ATAD2: variants seen among roughly 807,000 people sequenced by gnomAD.
ATAD2 encodes ATPase family AAA domain containing 2, also known as ATPase family AAA domain-containing protein 2.
Under a neutral mutation model 168.9 loss-of-function variants are expected in ATAD2, and 62 were observed. The ratio of observed to expected loss-of-function variants is 0.37; its 90% CI spans 0.30 to 0.45. ATAD2 has a LOEUF of 0.45. ATAD2 is among the 20% of genes least tolerant of loss of function. ATAD2 has a pLI of 1.00. For synonymous variants in ATAD2, 613 were observed against 571.6 expected (o/e 1.07, Z -1.03); for missense variants, 1,419 against 1,667.8 (o/e 0.85, Z 2.60).
chr8:123,400,087 C>A (rs1382159227), upstream of ATAD2, among the ~76,000 whole-genome samples: 2 of 152,052 alleles, frequency 1.3e-5, no homozygotes, highest in Admixed American at 1.3e-4. This position sits in a 1 kb window ranked among gnomAD's most constrained non-coding sequence, Gnocchi z 4.5. Flanking sequence ...CTGCTTGAAC[C>A]CGTGAGGCAG....
rs887611528 is a variant in ATAD2, at chr8:123,372,438, C to T, written c.370+199G>A. Among the ~76,000 whole-genome samples the T allele has an allele frequency of 3.3e-5, 5 of 152,056 alleles. No homozygotes were observed. In the South Asian group the frequency reaches 6.2e-4, roughly 19 times the overall value. On this transcript the variant is annotated intron_variant, in intron 3 of 27. Transcript: ENST00000287394. ...AGAAGAGCCAGGAGGAATTATAAAACGGCCCGGGGAAGTTTTTGGGGGTAA... is the reference window on the plus strand; with the variant it reads ...AGAAGAGCCAGGAGGAATTATAAAATGGCCCGGGGAAGTTTTTGGGGGTAA...
At chr8:123,361,242 G>A (rs1030372491) in intron 9 of ATAD2, among the ~76,000 whole-genome samples, 7 of 151,586 alleles carry the variant, frequency 4.6e-5, no homozygotes, top group Admixed American at 2.0e-4. Flanking sequence ...GTGTGAACCC[G>A]GGAGGTGGTG....
chr8:123,337,682 A>T lies in ATAD2; in HGVS notation c.2994T>A (p.His998Gln). The T allele has an allele frequency of 6.2e-7, 1 of 1,613,734 alleles. No individual in the cohort carries two copies. Among genetic ancestry groups the T allele is most frequent in the Non-Finnish European group, 8.5e-7 (1 of 1,179,876 alleles). ...GGAATCGCTTGTCAATAGCAAGCCT[A>T]TGTGTAACATTTCTTAAGAAAATCC... ...ELRIFLRNVT[H>Q]RLAIDKRFRV... Residue 998 changes from histidine to glutamine, a missense_variant, in exon 21 of 28, where the codon CAT becomes CAA. Around this residue, in one of 5 missense-constraint regions of ATAD2, gnomAD observed 545 missense variants for 724.9 expected, o/e 0.75. Transcript: ENST00000287394.
intron 25 of ATAD2, among the ~76,000 whole-genome samples, chr8:123,326,738 C>T (rs1827626442): frequency 6.6e-6 from 1 of 152,140 alleles, no homozygotes; most frequent in Non-Finnish European, 1.5e-5. Flanking sequence ...GTTTTCCCAG[C>T]AGGGTTGAGT....
At chr8:123,334,725 TAGACAA>T (rs1054182890) in intron 22 of ATAD2, among the ~76,000 whole-genome samples, 1 of 151,842 alleles carries the variant, frequency 6.6e-6, no homozygotes, top group Non-Finnish European at 1.5e-5. Context: ...ACAAAGAAAA[TAGACAA>T]AGACAATGAA....
At chr8:123,391,712 G>A (rs957302809) in intron 1 of ATAD2, among the ~76,000 whole-genome samples, 7 of 152,166 alleles carry the variant, frequency 4.6e-5, no homozygotes, top group African/African-American at 1.7e-4. Flanking sequence ...ACAGCAAGGT[G>A]TAATCCAACC....
At chr8:123,408,797 G>T (rs1449924119) in intron 1 of ATAD2, among the ~76,000 whole-genome samples, 3 of 150,524 alleles carry the variant, frequency 2.0e-5, no homozygotes, top group Non-Finnish European at 4.4e-5. Flanking sequence ...GATTACAGGC[G>T]TGAGCCACCG....
intron 24 of ATAD2, among the ~76,000 whole-genome samples, 200 bp from the exon 25 acceptor site, chr8:123,328,779 A>G (rs971954682): frequency 1.3e-5 from 2 of 149,440 alleles, no homozygotes; most frequent in African/African-American, 4.9e-5. Flanking sequence ...ATGGTAAAAA[A>G]TTTTGATTTT....
Position 123,333,997 on chromosome 8 carries a change from G to A in ATAD2, c.3359C>T (p.Pro1120Leu), listed in dbSNP as rs1827847750. The change falls in exon 24 of 28, where the codon CCG becomes CTG. Residue 1120 changes from proline to leucine, a missense_variant. By Grantham distance (98) the Pro-to-Leu change is moderately conservative. This residue lies in a region of ATAD2 where 545 missense variants were observed against 724.9 expected (regional missense o/e 0.75). Coordinates refer to ENST00000287394, the MANE Select transcript of ATAD2 (RefSeq NM_014109.4). Reference sequence around the variant, plus strand: ...CTTTGGCATCACATGGTAGTAAGACGGGGCATATTTGGAGGAGCTACAACC... The same window carrying A: ...CTTTGGCATCACATGGTAGTAAGACAGGGCATATTTGGAGGAGCTACAACC... Reference protein sequence around the residue: ...KRGCSSSKYAPSYYHVMPKQN... With the variant: ...KRGCSSSKYALSYYHVMPKQN... 1.2e-6 allele frequency: 2 copies of A among 1,613,810 alleles called. No homozygotes were observed. Among genetic ancestry groups the A allele is most frequent in the South Asian group, 1.1e-5 (1 of 91,032 alleles).
intron 2 of ATAD2, among the ~76,000 whole-genome samples, chr8:123,373,260 T>G (rs896129686): frequency 5.9e-5 from 9 of 151,806 alleles, no homozygotes; most frequent in Non-Finnish European, 1.2e-4. Context: ...AGGTTGGTCT[T>G]GAACTCCTGG....
chr8:123,374,857 C>T (rs995268962), intron 2 of ATAD2, among the ~76,000 whole-genome samples: 3 of 152,154 alleles, frequency 2.0e-5, no homozygotes, highest in African/African-American at 4.8e-5. Flanking sequence ...GAAGACTATA[C>T]CTAATCACTG....
chr8:123,336,691 T>G (rs1342619491), intron 21 of ATAD2, among the ~76,000 whole-genome samples, 159 bp from the exon 22 acceptor site: 1 of 152,164 alleles, frequency 6.6e-6, no homozygotes, highest in African/African-American at 2.4e-5. Flanking sequence ...AAGGCTGTTT[T>G]TGTTTTGTAT....
intron 19 of ATAD2, among the ~76,000 whole-genome samples, chr8:123,341,297 A>C (rs1828055359): frequency 6.6e-6 from 1 of 152,200 alleles, no homozygotes; most frequent in Admixed American, 6.5e-5. Flanking sequence ...TTCTCGAAAA[A>C]GTTTCCCCAG....
chr8:123,323,941 G>GTC (rs1827540731), intron 26 of ATAD2, among the ~76,000 whole-genome samples: 1 of 152,140 alleles, frequency 6.6e-6, no homozygotes, highest in Non-Finnish European at 1.5e-5. Context: ...TGACATACAT[G>GTC]TATACTGAGC....
At chr8:123,347,939 T>C (rs1828306255) in intron 15 of ATAD2, 1 of 529,904 alleles carries the variant, frequency 1.9e-6, no homozygotes, top group African/African-American at 2.0e-5. Context: ...CTGCCCCTGA[T>C]GGCCAATTTG....
chr8:123,393,839 C>T (rs1165565330), intron 1 of ATAD2, among the ~76,000 whole-genome samples: 2 of 152,014 alleles, frequency 1.3e-5, no homozygotes, highest in Non-Finnish European at 2.9e-5. Context: ...GTCACTTGAA[C>T]CCGGGAGGCG....
At chr8:123,406,226 A>C (rs1435327147) in intron 1 of ATAD2, among the ~76,000 whole-genome samples, 2 of 151,810 alleles carry the variant, frequency 1.3e-5, no homozygotes, top group Admixed American at 1.3e-4. Flanking sequence ...AAAATACAAA[A>C]ATTAGTTGGG....
chr8:123,321,046 G>C lies in ATAD2; in HGVS notation c.*88C>G. 9.0e-7 allele frequency: 1 copy of C among 1,109,990 alleles called. No homozygotes were observed. The highest frequency in any genetic ancestry group is 1.3e-6 in the Non-Finnish European group (1 of 754,198). The allele number at this position is 1,109,990 out of a possible 1,614,324, so 68.8% of individuals were successfully genotyped here. A position where few individuals can be genotyped will look rare whatever the true frequency, so the allele number is the denominator to read the frequency against. On this transcript the variant is annotated 3_prime_UTR_variant, in exon 28 of 28. Coordinates refer to ENST00000287394, the MANE Select transcript of ATAD2 (RefSeq NM_014109.4). ...TTTTAATCTTTTCCTTAAAGATGCA[G>C]GGTTTCATACTACATCAATTAGGCG...
intron 1 of ATAD2, among the ~76,000 whole-genome samples, chr8:123,385,778 T>C (rs147242589): frequency 6.6e-6 from 1 of 152,176 alleles, no homozygotes; most frequent in African/African-American, 2.4e-5. Context: ...GTTTTATATA[T>C]ACATACACAC....
Sources: allele counts gnomAD v4.1 joint callset (sites outside exome capture counted in the v4.1 genomes callset), GRCh38; gene constraint gnomAD v4.1.1; regional missense constraint gnomAD v4.1.1; non-coding constraint Gnocchi (gnomAD v3.1); transcripts MANE v1.5; gene names NCBI Gene and HGNC (gene_info 2026-07-23, HGNC 2026-07-21).